Variants in TMEM117 observed in about 807,000 individuals in gnomAD.
TMEM117 encodes transmembrane protein 117.
TMEM117 carries 27 observed loss-of-function variants against 52.4 expected under a neutral mutation model. The observed-to-expected ratio is 0.51, with a 90% CI of 0.38 to 0.71. The LOEUF (loss-of-function observed/expected upper bound fraction) is 0.71, where lower values mean the gene tolerates loss of function less well. Ranked by LOEUF, TMEM117 falls within the 30% of genes least tolerant of loss-of-function variation. TMEM117 has a pLI of 0.00. For synonymous variants in TMEM117, 215 were observed against 206.3 expected, an observed-to-expected ratio of 1.04 and a Z score of -0.36; for missense variants, 556 against 630.5, an observed-to-expected ratio of 0.88 and a Z score of 1.26.
chr12:44,185,576 C>CT (rs1482974374), intron 4 of TMEM117, among the ~76,000 whole-genome samples: 3 of 152,020 alleles, frequency 2.0e-5, no homozygotes, highest in Non-Finnish European at 4.4e-5. Flanking sequence ...TCATGAACTC[C>CT]TATTTATGGT....
chr12:44,298,201 A>G (rs1950792640), intron 5 of TMEM117, among the ~76,000 whole-genome samples: 1 of 150,780 alleles, frequency 6.6e-6, no homozygotes, highest in Non-Finnish European at 1.5e-5. Flanking sequence ...GGTTTACACT[A>G]TGTACAATTG....
chr12:43,962,968 G>A (rs1012775221), intron 3 of TMEM117, among the ~76,000 whole-genome samples: 2 of 151,576 alleles, frequency 1.3e-5, no homozygotes, highest in African/African-American at 4.8e-5. Flanking sequence ...TAGTTCCTAG[G>A]CATATTGAAA....
intron 2 of TMEM117, among the ~76,000 whole-genome samples, chr12:43,884,942 C>T (rs1943964251): frequency 6.6e-6 from 1 of 152,194 alleles, no homozygotes. Flanking sequence ...TCCTTGCAGT[C>T]AGCTCCACTC....
At chr12:43,798,486 T>A in the TMEM117 span, 1 of 1,402,604 alleles carries the variant, frequency 7.1e-7, no homozygotes, top group Non-Finnish European at 9.4e-7. Context: ...AATTTTACTT[T>A]TAAAAAAATG....
chr12:44,005,293 G>A (rs1314565135), intron 3 of TMEM117, among the ~76,000 whole-genome samples: 4 of 152,198 alleles, frequency 2.6e-5, no homozygotes, highest in African/African-American at 7.2e-5. Flanking sequence ...AACGTGAAAC[G>A]TCATTTTCAT....
intron 2 of TMEM117, among the ~76,000 whole-genome samples, chr12:43,941,431 A>C (rs2137607926): frequency 6.6e-6 from 1 of 152,326 alleles, no homozygotes; most frequent in Non-Finnish European, 1.5e-5. Context: ...CAACAATTAT[A>C]AACCACTACT....
chr12:43,875,858 G>A (rs1943786704), intron 2 of TMEM117, among the ~76,000 whole-genome samples: 1 of 151,004 alleles, frequency 6.6e-6, no homozygotes, highest in African/African-American at 2.4e-5. Context: ...TATATATTAC[G>A]TTTTTTTTTC....
At chr12:43,986,178 A>T (rs1479551662) in intron 3 of TMEM117, among the ~76,000 whole-genome samples, 2 of 152,224 alleles carry the variant, frequency 1.3e-5, no homozygotes, top group Non-Finnish European at 2.9e-5. Context: ...GTTTTAATTA[A>T]TTTTTTTGTG....
At chr12:43,797,691 C>A in the TMEM117 span, 1 of 1,608,724 alleles carries the variant, frequency 6.2e-7, no homozygotes, top group South Asian at 1.1e-5. Context: ...ACTTAATAAT[C>A]ATTATACATC....
chr12:43,956,398 C>G (rs1464319128), intron 3 of TMEM117, among the ~76,000 whole-genome samples: 1 of 149,526 alleles, frequency 6.7e-6, no homozygotes, highest in African/African-American at 2.5e-5. Flanking sequence ...ATCCATCTGA[C>G]TAAGGTCTAA....
At chr12:44,098,083 T>C (rs1947801842) in intron 3 of TMEM117, among the ~76,000 whole-genome samples, 1 of 151,986 alleles carries the variant, frequency 6.6e-6, no homozygotes, top group Non-Finnish European at 1.5e-5. Context: ...AGTAACTGGA[T>C]TGAACATTAA....
chr12:44,014,195 CG>C (rs1946339219), intron 3 of TMEM117, among the ~76,000 whole-genome samples: 1 of 152,112 alleles, frequency 6.6e-6, no homozygotes, highest in South Asian at 2.1e-4. Flanking sequence ...TGCAGGTAGA[CG>C]GGCCATGGCA....
chr12:43,885,604 A>G (rs1411442681), intron 2 of TMEM117, among the ~76,000 whole-genome samples: 1 of 151,760 alleles, frequency 6.6e-6, no homozygotes, highest in Non-Finnish European at 1.5e-5. Flanking sequence ...CTTTTTAGGC[A>G]TAAATATATA....
intron 5 of TMEM117, among the ~76,000 whole-genome samples, chr12:44,280,296 T>G (rs1365848370): frequency 6.6e-6 from 1 of 152,206 alleles, no homozygotes; most frequent in Non-Finnish European, 1.5e-5. Context: ...TCTATTTCCT[T>G]TCCTATTTCT....
At chr12:43,882,698 ATGT>A (rs997286055) in intron 2 of TMEM117, among the ~76,000 whole-genome samples, 1 of 152,126 alleles carries the variant, frequency 6.6e-6, no homozygotes, top group Non-Finnish European at 1.5e-5. Context: ...ATGAGCATAA[ATGT>A]TGTGGAGTTT....
chr12:44,189,230 T>C (rs1429492305), intron 4 of TMEM117, among the ~76,000 whole-genome samples: 3 of 152,210 alleles, frequency 2.0e-5, no homozygotes, highest in African/African-American at 4.8e-5. Context: ...AATATCCACA[T>C]CATTGCCATC....
At chr12:44,271,282 A>G (rs995410809) in intron 5 of TMEM117, among the ~76,000 whole-genome samples, 4 of 152,084 alleles carry the variant, frequency 2.6e-5, no homozygotes, top group Non-Finnish European at 5.9e-5. Context: ...TTTTATAATC[A>G]TTGTCTCCTT....
At chr12:44,084,688 G>A (rs750332760) in intron 3 of TMEM117, among the ~76,000 whole-genome samples, 19 of 152,032 alleles carry the variant, frequency 1.2e-4, no homozygotes, top group Non-Finnish European at 2.4e-4. Context: ...CTTCATACTG[G>A]GATCTCAGGC....
intron 3 of TMEM117, among the ~76,000 whole-genome samples, chr12:44,029,949 G>A (rs1425509284): frequency 3.3e-5 from 5 of 152,148 alleles, no homozygotes; most frequent in African/African-American, 1.2e-4. Context: ...TTTTCACAAT[G>A]GCGGCCTGCA....
Sources: allele counts gnomAD v4.1 joint callset (sites outside exome capture counted in the v4.1 genomes callset), GRCh38; gene constraint gnomAD v4.1.1; transcripts MANE v1.5; gene names NCBI Gene and HGNC (gene_info 2026-07-23, HGNC 2026-07-21).